The following RP1 variants were observed in gnomAD, a reference collection of about 807,000 sequenced individuals.
RP1 encodes the protein RP1 axonemal microtubule associated.
Under a neutral mutation model 14.8 loss-of-function variants are expected in RP1, and 16 were observed. That is an observed-to-expected ratio of 1.08 (90% CI 0.73 to 1.65). The LOEUF is 1.65. Ranked by LOEUF, RP1 falls within the 40% of genes most tolerant of loss-of-function variation. The probability of loss-of-function intolerance (pLI) is 0.00; values close to 1 mark genes in which losing one functional copy is unlikely to be tolerated. For synonymous variants in RP1, 876 were observed against 883.6 expected (o/e 0.99, Z 0.15); for missense variants, 2,631 against 2,535.0 (o/e 1.04, Z -0.81).
At chr8:54,868,657 A>G (rs1812513111) in intron 28 of RP1, among the ~76,000 whole-genome samples, 1 of 152,178 alleles carries the variant, frequency 6.6e-6, no homozygotes, top group Non-Finnish European at 1.5e-5. Flanking sequence ...TTTGTGAATT[A>G]TCTTCTACTG....
chr8:54,627,868 T>A lies in RP1; in HGVS notation c.3986T>A (p.Ile1329Asn), dbSNP rs1806116082. Residue 1329 changes from isoleucine (I) to asparagine (N), a missense_variant, in exon 4 of 4, where the codon ATT becomes AAT. Coordinates refer to ENST00000220676, the MANE Select transcript of RP1 (RefSeq NM_006269.2). ...ENHTYEGACP[I>N]DETYVPVNVC... Reference sequence around the variant, plus strand: ...CATACCTATGAGGGAGCTTGCCCAATTGATGAGACCTACGTTCCTGTCAAT... The same window carrying A: ...CATACCTATGAGGGAGCTTGCCCAAATGATGAGACCTACGTTCCTGTCAAT... 6.2e-7 allele frequency: 1 copy of A among 1,614,136 alleles called. No individual in the cohort carries two copies. Among genetic ancestry groups the A allele is most frequent in the Non-Finnish European group, 8.5e-7 (1 of 1,179,976 alleles).
chr8:54,802,449 G>T (rs1012085382), intron 24 of RP1, among the ~76,000 whole-genome samples: 5 of 152,224 alleles, frequency 3.3e-5, no homozygotes, highest in African/African-American at 1.2e-4. Flanking sequence ...AAAACAAAAT[G>T]AGAAATACCT....
intron 24 of RP1, among the ~76,000 whole-genome samples, chr8:54,803,880 C>G (rs1462419712): frequency 2.0e-5 from 3 of 151,920 alleles, no homozygotes; most frequent in Non-Finnish European, 4.4e-5. Context: ...CTAGCCTGAC[C>G]AACATGGTGA....
intron 25 of RP1, among the ~76,000 whole-genome samples, chr8:54,838,791 A>G (rs1362901407): frequency 6.6e-6 from 1 of 152,032 alleles, no homozygotes; most frequent in Admixed American, 6.6e-5. Flanking sequence ...TCATTTAAGG[A>G]GGCAGAGGTT....
intron 3 of RP1, among the ~76,000 whole-genome samples, chr8:54,639,344 G>A (rs574393591): frequency 2.5e-4 from 38 of 152,190 alleles, no homozygotes; most frequent in African/African-American, 8.9e-4. Flanking sequence ...ATTTATTTCT[G>A]GCTTTTGGTT....
intron 1 of RP1, among the ~76,000 whole-genome samples, chr8:54,590,473 G>T (rs186009416): frequency 6.6e-6 from 1 of 151,998 alleles, no homozygotes; most frequent in Non-Finnish European, 1.5e-5. Flanking sequence ...CAGCCTAACC[G>T]CCACCTTTCC....
chr8:54,632,134 G>A (rs1264065181), downstream of RP1, among the ~76,000 whole-genome samples: 2 of 151,968 alleles, frequency 1.3e-5, no homozygotes, highest in South Asian at 2.1e-4. Context: ...GAGCCACCGC[G>A]CCCAGCCAGG....
At chr8:54,764,773 A>G (rs1004355072) in intron 22 of RP1, among the ~76,000 whole-genome samples, 8 of 152,226 alleles carry the variant, frequency 5.3e-5, no homozygotes, top group African/African-American at 1.7e-4. Flanking sequence ...TGGAATTAGA[A>G]CACAATTTAA....
chr8:54,652,680 T>C, intron 4 of RP1: 1 of 746,178 alleles, frequency 1.3e-6, no homozygotes, highest in East Asian at 2.7e-5. Flanking sequence ...GTCTTCTTAA[T>C]GAATTGACCC....
At chr8:54,741,948 T>C (rs1421882298) in intron 19 of RP1, among the ~76,000 whole-genome samples, 1 of 151,592 alleles carries the variant, frequency 6.6e-6, no homozygotes, top group African/African-American at 2.4e-5. Flanking sequence ...TAGCAGCTCT[T>C]TGATTTAGGT....
chr8:54,697,392 G>A lies in RP1; in HGVS notation c.1718-2075G>A, dbSNP rs191459930. On this transcript the variant is annotated intron_variant, in intron 12 of 22. Coordinates refer to the RP1 transcript ENST00000636932. ...CAACATGGAGAAACCCCGTCTCTAC[G>A]AAAAATACAAAAATTAGCTGGGCAT... Among the ~76,000 whole-genome samples, 18 of 151,910 alleles carry A rather than the reference G, an allele frequency of 1.2e-4. No homozygotes were observed. In the East Asian group the frequency reaches 2.5e-3, roughly 21 times the overall value.
exon 19 of RP1, chr8:54,738,990 T>C: frequency 6.5e-7 from 1 of 1,531,630 alleles, no homozygotes; most frequent in East Asian, 2.4e-5. Context: ...GGATAGGACA[T>C]GATGGAACCA....
At chr8:54,825,060 C>A (rs947374651) in intron 24 of RP1, among the ~76,000 whole-genome samples, 1 of 152,056 alleles carries the variant, frequency 6.6e-6, no homozygotes, top group East Asian at 1.9e-4. Context: ...AGCTCCGCCT[C>A]CCGGGTTCAC....
At chr8:54,570,764 A>G (rs1328253449) in intron 1 of RP1, among the ~76,000 whole-genome samples, 2 of 152,160 alleles carry the variant, frequency 1.3e-5, no homozygotes, top group African/African-American at 4.8e-5. Flanking sequence ...ATTAAATAAT[A>G]CAATACTTGT....
chr8:54,600,030 A>T (rs1805238280), intron 1 of RP1, among the ~76,000 whole-genome samples: 1 of 152,024 alleles, frequency 6.6e-6, no homozygotes. Flanking sequence ...CAGGGATGGG[A>T]CTTCAGGCTT....
chr8:54,585,935 G>T (rs1585528833), intron 1 of RP1, among the ~76,000 whole-genome samples: 2 of 152,262 alleles, frequency 1.3e-5, no homozygotes, highest in Middle Eastern at 3.4e-3. Context: ...CTTTGCCATG[G>T]GTTCGAACTT....
Position 54,850,260 on chromosome 8 carries a change from C to T in RP1, c.3836-2314C>T, listed in dbSNP as rs543305543. ...GCCTGAATGACAGGTATTAGTAATA[C>T]CTGTCTTTGAATATATTCAGGTAAA... On this transcript the variant is annotated intron_variant, in intron 25 of 28. Coordinates refer to the RP1 transcript ENST00000637698. Among the ~76,000 whole-genome samples, 4 of 152,176 alleles carry T rather than the reference C, an allele frequency of 2.6e-5. No homozygotes were observed. The South Asian group carries it at 6.2e-4, about 24-fold the overall frequency.
chr8:54,582,318 T>C (rs75191498), intron 1 of RP1, among the ~76,000 whole-genome samples: 87,661 of 151,242 alleles, frequency 0.58, 26,103 homozygotes, highest in Non-Finnish European at 0.65. Context: ...GTTGTAGATA[T>C]GCGGCATTAT....
chr8:54,562,674 CA>C (rs202200045), intron 1 of RP1, among the ~76,000 whole-genome samples: 33,808 of 140,634 alleles, frequency 0.24, 4,072 homozygotes, highest in East Asian at 0.38. Flanking sequence ...AACTCCGTCT[CA>C]AAAAAAAAAA....
Sources: allele counts gnomAD v4.1 joint callset (sites outside exome capture counted in the v4.1 genomes callset), GRCh38; gene constraint gnomAD v4.1.1; transcripts MANE v1.5; gene names NCBI Gene and HGNC (gene_info 2026-07-23, HGNC 2026-07-21).